SMCO3: variants seen among roughly 807,000 people sequenced by gnomAD.
The protein encoded by SMCO3 is single-pass membrane protein with coiled-coil domains 3, also known as single-pass membrane and coiled-coil domain-containing protein 3.
In SMCO3, 6 loss-of-function variants were observed where a neutral mutation model predicts 12.0. That is an observed-to-expected ratio of 0.50 (90% CI 0.27 to 0.99). The LOEUF is 0.99. SMCO3 is among the 50% of genes least tolerant of loss of function. The pLI, the probability that SMCO3 is intolerant of heterozygous loss-of-function variation, is 0.11. For missense variants in SMCO3, 279 were observed against 265.0 expected, an observed-to-expected ratio of 1.05 and a Z score of -0.37; for synonymous variants, 96 against 96.4, an observed-to-expected ratio of 1.00 and a Z score of 0.02.
intron 1 of SMCO3, among the ~76,000 whole-genome samples, chr12:14,807,851 A>C (rs1950077106): frequency 6.6e-6 from 1 of 152,204 alleles, no homozygotes; most frequent in South Asian, 2.1e-4. Flanking sequence ...TCAGAAAAAA[A>C]ATGCCATTTT....
At chr12:14,808,784 A>G (rs1358981952) in intron 1 of SMCO3, among the ~76,000 whole-genome samples, 1 of 152,234 alleles carries the variant, frequency 6.6e-6, no homozygotes, top group Non-Finnish European at 1.5e-5. Context: ...CAGCACACAT[A>G]CACATATATA....
At chr12:14,808,796 A>G (rs1273630563) in intron 1 of SMCO3, among the ~76,000 whole-genome samples, 1 of 152,362 alleles carries the variant, frequency 6.6e-6, no homozygotes, top group South Asian at 2.1e-4. Context: ...ACATATATAC[A>G]GGCATGCACA....
chr12:14,806,538 C>T lies in SMCO3; in HGVS notation c.143G>A (p.Gly48Glu). The T allele has an allele frequency of 6.2e-7, 1 of 1,614,052 alleles. No homozygotes were observed. The highest frequency in any genetic ancestry group is 8.5e-7 in the Non-Finnish European group (1 of 1,180,012). ...KLTEVLNMHL[G>E]CRLASIEMKR... ...CATCTCAATGGAGGCCAGCCTGCAC[C>T]CCAAGTGCATATTTAGAACCTCAGT... The change falls in exon 2 of 2, where the codon GGG becomes GAG. Residue 48 changes from glycine (G) to glutamate (E), a missense_variant. Coordinates refer to ENST00000316048, the MANE Select transcript of SMCO3 (RefSeq NM_001013698.2).
Position 14,806,100 on chromosome 12 carries a change from C to T in SMCO3, c.581G>A (p.Ser194Asn). The T allele has an allele frequency of 6.2e-7, 1 of 1,614,144 alleles. No homozygotes were observed. Among genetic ancestry groups the T allele is most frequent in the Non-Finnish European group, 8.5e-7 (1 of 1,180,032 alleles). The part of the protein sequence containing the change: ...EKTQLQAAIK[S>N]YEKHLVEFKS... ...GAACTCCACCAGATGCTTCTCATAA[C>T]TTTTGATGGCTGCTTGAAGCTGTGT... Residue 194 changes from serine to asparagine, a missense_variant, in exon 2 of 2, where the codon AGT becomes AAT. Ser to Asn is a conservative substitution (Grantham distance 46). Coordinates refer to ENST00000316048, the MANE Select transcript of SMCO3 (RefSeq NM_001013698.2).
Position 14,806,303 on chromosome 12 carries a change from A to T in SMCO3, c.378T>A (p.Ser126=). The change falls in exon 2 of 2, where the codon TCT becomes TCA. Residue 126 remains serine (S), a synonymous_variant. Transcript: ENST00000316048. ...GTTTAACAGCGACTGCACTGGCTGC[A>T]GATGTAGCTTCTCCCAGGATGACCG... ...VISVILGEAT[S]AASAVAVKLV... The T allele has an allele frequency of 6.2e-7, 1 of 1,614,236 alleles. No homozygotes were observed. The highest frequency in any genetic ancestry group is 1.1e-5 in the South Asian group (1 of 91,084).
At chr12:14,811,004 T>C (rs1051411043) in intron 1 of SMCO3, among the ~76,000 whole-genome samples, 2 of 152,236 alleles carry the variant, frequency 1.3e-5, no homozygotes, top group Non-Finnish European at 2.9e-5. Flanking sequence ...TTTCTCCATC[T>C]TATTCCATTT....
At chr12:14,809,421 C>G (rs1950103134) in intron 1 of SMCO3, among the ~76,000 whole-genome samples, 1 of 151,822 alleles carries the variant, frequency 6.6e-6, no homozygotes, top group Non-Finnish European at 1.5e-5. Context: ...ACCATAAAAA[C>G]AAAATAGTAA....
At position 14,806,380 on chromosome 12, in the gene SMCO3, C is replaced by G. The variant is rs1188794050; in HGVS notation, c.301G>C (p.Asp101His). The G allele has an allele frequency of 6.2e-7, 1 of 1,614,168 alleles. No homozygotes were observed. Among genetic ancestry groups the G allele is most frequent in the African/African-American group, 1.3e-5 (1 of 75,036 alleles). The change falls in exon 2 of 2, where the codon GAT becomes CAT. Residue 101 changes from aspartate to histidine, a missense_variant. Physicochemically the swap from Asp to His is moderately conservative, Grantham distance 81. Coordinates refer to ENST00000316048, the MANE Select transcript of SMCO3 (RefSeq NM_001013698.2). ...TTGTCTGTTTCCTTTTCCTTAATAT[C>G]CTGAAGTTTTCTATAGAGGGTTGGC... ...LEPTLYRKLQDIKEKETDKIA... is the reference protein window; with the variant it reads ...LEPTLYRKLQHIKEKETDKIA...
intron 1 of SMCO3, among the ~76,000 whole-genome samples, chr12:14,808,892 C>G (rs1162049850): frequency 6.6e-6 from 1 of 152,178 alleles, no homozygotes; most frequent in African/African-American, 2.4e-5. Context: ...TGTTGATGAT[C>G]CAGTAAATAT....
At chr12:14,807,668 A>G (rs1950074223) in intron 1 of SMCO3, among the ~76,000 whole-genome samples, 1 of 152,356 alleles carries the variant, frequency 6.6e-6, no homozygotes, top group Non-Finnish European at 1.5e-5. Flanking sequence ...TATATATTCA[A>G]GACTCTTTGG....
intron 1 of SMCO3, among the ~76,000 whole-genome samples, chr12:14,809,119 T>C (rs1020359932): frequency 6.6e-6 from 1 of 152,210 alleles, no homozygotes; most frequent in Non-Finnish European, 1.5e-5. Flanking sequence ...AGTTTTCTTA[T>C]CCTGAAAAAG....
chr12:14,805,812 C>T lies in SMCO3; in HGVS notation c.*191G>A. ...TTTACCTCACAGGGTCTAGCATCAGCTGATCCAGGCATTGTTGACTCAAAA... is the reference window on the plus strand; with the variant it reads ...TTTACCTCACAGGGTCTAGCATCAGTTGATCCAGGCATTGTTGACTCAAAA... On this transcript the variant is annotated 3_prime_UTR_variant, in exon 2 of 2. Coordinates refer to ENST00000316048, the MANE Select transcript of SMCO3 (RefSeq NM_001013698.2). 1 of 645,254 alleles carries T rather than the reference C, an allele frequency of 1.5e-6. No homozygotes were observed. The highest frequency in any genetic ancestry group is 2.6e-6 in the Non-Finnish European group (1 of 385,828). The allele number at this position is 645,254 out of a possible 1,614,324, so 40.0% of individuals were successfully genotyped here.
chr12:14,809,708 A>C (rs138078963), intron 1 of SMCO3, among the ~76,000 whole-genome samples: 2,131 of 152,252 alleles, frequency 0.014, 37 homozygotes, highest in African/African-American at 0.047. Context: ...TATAAGCCTA[A>C]AACCAATAAA....
At chr12:14,808,116 G>A (rs1020787505) in intron 1 of SMCO3, among the ~76,000 whole-genome samples, 2 of 151,924 alleles carry the variant, frequency 1.3e-5, no homozygotes, top group Non-Finnish European at 2.9e-5. Context: ...AGTGAGCCAA[G>A]ATGGTGCCAC....
rs963900364 is a variant in SMCO3 at position 14,805,243 on chromosome 12, G to A, written c.*760C>T. On this transcript the variant is annotated 3_prime_UTR_variant, in exon 2 of 2. Transcript: ENST00000316048. ...CTATTCTGCATCCTAAATGCAATAT[G>A]TGTAGCTGTGTTTTGCTTTCTTGTC... 1 of 152,202 alleles carries A rather than the reference G, an allele frequency of 6.6e-6. No individual in the cohort carries two copies. The highest frequency in any genetic ancestry group is 1.5e-5 in the Non-Finnish European group (1 of 68,034). The allele number at this position is 152,202 out of a possible 1,614,324, so 9.4% of individuals were successfully genotyped here.
In SMCO3 at chr12:14,806,067, G is replaced by T; in HGVS notation, c.614C>A (p.Ala205Asp). Residue 205 changes from alanine to aspartate, a missense_variant, in exon 2 of 2, where the codon GCC becomes GAC. Physicochemically the swap from Ala to Asp is moderately radical, Grantham distance 126. Coordinates refer to ENST00000316048, the MANE Select transcript of SMCO3 (RefSeq NM_001013698.2). ...YEKHLVEFKS[A>D]SEKYNHAITE... ...AATGGCATGATTATATTTTTCTGAG[G>T]CTGATTTGAACTCCACCAGATGCTT... 2 of 1,614,142 alleles carry T rather than the reference G, an allele frequency of 1.2e-6. No individual in the cohort carries two copies. The highest frequency in any genetic ancestry group is 1.3e-5 in the African/African-American group (1 of 75,018).
chr12:14,813,472 T>G (rs532824724), intron 1 of SMCO3, among the ~76,000 whole-genome samples: 4 of 152,240 alleles, frequency 2.6e-5, no homozygotes, highest in Non-Finnish European at 5.9e-5. Flanking sequence ...TGATATACTT[T>G]CTGATATAAA....
intron 1 of SMCO3, among the ~76,000 whole-genome samples, chr12:14,810,740 A>T (rs1266119938): frequency 6.6e-6 from 1 of 152,170 alleles, no homozygotes; most frequent in African/African-American, 2.4e-5. Context: ...ATTCTTAGAT[A>T]TGTGCTTGAC....
At chr12:14,809,039 G>A (rs17761801) in intron 1 of SMCO3, among the ~76,000 whole-genome samples, 23,748 of 152,136 alleles carry the variant, frequency 0.16, 2,162 homozygotes, top group Non-Finnish European at 0.2. Flanking sequence ...TTATTATGAA[G>A]TGAAAACTCT....
Sources: allele counts gnomAD v4.1 joint callset (sites outside exome capture counted in the v4.1 genomes callset), GRCh38; gene constraint gnomAD v4.1.1; transcripts MANE v1.5; gene names NCBI Gene and HGNC (gene_info 2026-07-23, HGNC 2026-07-21).